Variants in TIAM1 observed in about 807,000 individuals in gnomAD.
TIAM1 encodes rho guanine nucleotide exchange factor TIAM1.
In TIAM1, 65 loss-of-function variants were observed where a neutral mutation model predicts 163.5. The observed-to-expected ratio is 0.40, with a 90% CI of 0.33 to 0.49. TIAM1 has a LOEUF of 0.49. TIAM1 is among the 20% of genes least tolerant of loss of function. The pLI is 0.77. For synonymous variants in TIAM1, 833 were observed against 810.1 expected (o/e 1.03, Z -0.48); for missense variants, 1,789 against 2,044.7 (o/e 0.87, Z 2.41).
chr21:31,409,556 T>G (rs928578746), intron 2 of TIAM1, among the ~76,000 whole-genome samples: 2 of 152,164 alleles, frequency 1.3e-5, no homozygotes, highest in Admixed American at 6.5e-5. Flanking sequence ...GCTCCTTGGA[T>G]GCCAAGCACA....
chr21:31,498,859 T>C (rs2011116), intron 1 of TIAM1, among the ~76,000 whole-genome samples: 92,190 of 151,264 alleles, frequency 0.61, 28,483 homozygotes, highest in East Asian at 0.85. Context: ...GGCAGGAGAA[T>C]TGCTTGAACC....
intron 10 of TIAM1, 27 bp from the exon 11 acceptor site, chr21:31,210,242 G>T: frequency 6.2e-7 from 1 of 1,610,432 alleles, no homozygotes; most frequent in South Asian, 1.1e-5. Flanking sequence ...AGTTAGCAGG[G>T]CAGCAGCAGT....
At chr21:31,295,355 A>G (rs987868263) in intron 2 of TIAM1, among the ~76,000 whole-genome samples, 3 of 151,514 alleles carry the variant, frequency 2.0e-5, no homozygotes, top group Non-Finnish European at 4.4e-5. Flanking sequence ...CTGTAGTCCC[A>G]ACTACTCAGG....
chr21:31,215,178 A>G (rs2087112332), intron 9 of TIAM1, among the ~76,000 whole-genome samples: 1 of 152,166 alleles, frequency 6.6e-6, no homozygotes, highest in Non-Finnish European at 1.5e-5. Context: ...AAGCAGAAGC[A>G]CATGAACAAA....
At chr21:31,438,177 A>ATTTTTTTTTT (rs2044280144) in intron 2 of TIAM1, among the ~76,000 whole-genome samples, 1 of 99,658 alleles carries the variant, frequency 1.0e-5, no homozygotes, top group African/African-American at 4.5e-5. Context: ...CGTATTTGTG[A>ATTTTTTTTTT]TCTTTTTTTT....
intron 23 of TIAM1, among the ~76,000 whole-genome samples, chr21:31,135,214 T>C (rs1379278157): frequency 6.6e-6 from 1 of 152,206 alleles, no homozygotes; most frequent in Non-Finnish European, 1.5e-5. Flanking sequence ...AATATGCCAA[T>C]AAGCATTTAC....
chr21:31,238,022 C>T (rs181392692), intron 6 of TIAM1, among the ~76,000 whole-genome samples: 2 of 152,346 alleles, frequency 1.3e-5, no homozygotes, highest in Admixed American at 1.3e-4. Flanking sequence ...CCCACTCTCC[C>T]CTGGCCTCAC....
intron 2 of TIAM1, among the ~76,000 whole-genome samples, chr21:31,412,944 G>A (rs1042215514): frequency 2.0e-5 from 3 of 152,152 alleles, no homozygotes; most frequent in Admixed American, 6.6e-5. Context: ...CATACCTCCT[G>A]CTGCGTGGCC....
chr21:31,337,518 G>GTTATTATTATTATTATTATTA (rs55760697), intron 2 of TIAM1, among the ~76,000 whole-genome samples: 2,975 of 147,250 alleles, frequency 0.02, 36 homozygotes, highest in Middle Eastern at 0.043. Context: ...TATTATTGTT[G>GTTATTATTATTATTATTATTA]TTATTATTAT....
intron 15 of TIAM1, among the ~76,000 whole-genome samples, chr21:31,168,782 T>C (rs1664030741): frequency 6.6e-6 from 1 of 152,184 alleles, no homozygotes; most frequent in Admixed American, 6.5e-5. Context: ...TCTACTCTGG[T>C]AGAATTCACT....
intron 2 of TIAM1, among the ~76,000 whole-genome samples, chr21:31,373,419 G>A (rs570166832): frequency 4.3e-4 from 65 of 152,170 alleles, no homozygotes; most frequent in African/African-American, 1.5e-3. Context: ...TCAGAATCAT[G>A]GCAGGAAGCG....
chr21:31,227,243 C>T (rs1040440463), intron 6 of TIAM1, among the ~76,000 whole-genome samples: 14 of 152,218 alleles, frequency 9.2e-5, no homozygotes, highest in Middle Eastern at 6.8e-3. Flanking sequence ...AGATGTGAGC[C>T]ATCTTGCCCA....
chr21:31,133,791 C>T (rs757581955), intron 23 of TIAM1, among the ~76,000 whole-genome samples: 4 of 152,160 alleles, frequency 2.6e-5, no homozygotes, highest in Non-Finnish European at 4.4e-5. Flanking sequence ...AAAAGAGGGT[C>T]GGGCGCGGTG....
chr21:31,192,962 C>T (rs973374929), intron 13 of TIAM1, among the ~76,000 whole-genome samples: 8 of 152,132 alleles, frequency 5.3e-5, no homozygotes, highest in Non-Finnish European at 1.0e-4. Context: ...GTCACTGTTT[C>T]GAGCCACCGG....
intron 1 of TIAM1, among the ~76,000 whole-genome samples, chr21:31,545,934 G>A (rs1374549377): frequency 6.6e-6 from 1 of 152,120 alleles, no homozygotes; most frequent in Non-Finnish European, 1.5e-5. Context: ...AGATGAAGGT[G>A]TATATTCATT....
intron 1 of TIAM1, among the ~76,000 whole-genome samples, chr21:31,469,526 G>A (rs191225653): frequency 3.9e-5 from 6 of 151,952 alleles, no homozygotes; most frequent in African/African-American, 1.4e-4. Context: ...GAGGGGCAGA[G>A]AATTTAACAT....
At chr21:31,296,756 T>C (rs1273489087) in intron 2 of TIAM1, among the ~76,000 whole-genome samples, 2 of 152,032 alleles carry the variant, frequency 1.3e-5, no homozygotes, top group East Asian at 3.9e-4. Flanking sequence ...CTCTGCCTCC[T>C]GGGTTCAAGC....
intron 2 of TIAM1, among the ~76,000 whole-genome samples, chr21:31,291,548 G>A (rs2074020363): frequency 6.6e-6 from 1 of 152,134 alleles, no homozygotes; most frequent in African/African-American, 2.4e-5. Context: ...TATTGAGATG[G>A]AGTCTCGCTC....
chr21:31,382,536 T>A (rs1392361338), intron 2 of TIAM1, among the ~76,000 whole-genome samples: 2 of 152,194 alleles, frequency 1.3e-5, no homozygotes, highest in Non-Finnish European at 2.9e-5. Context: ...TCCTGACAAC[T>A]CTTTGATCTG....
Sources: gnomAD v4.1 joint callset for allele counts (sites outside exome capture counted in the v4.1 genomes callset) on GRCh38, gnomAD v4.1.1 for gene constraint, MANE v1.5 for transcripts, NCBI Gene and HGNC (gene_info 2026-07-23, HGNC 2026-07-21) for gene names.